Variants in THRB observed in about 807,000 individuals in gnomAD.
THRB encodes the protein nuclear receptor subfamily 1 group A member 2.
Under a neutral mutation model 47.8 loss-of-function variants are expected in THRB, and 12 were observed. The ratio of observed to expected loss-of-function variants is 0.25; its 90% CI spans 0.16 to 0.41. The LOEUF (loss-of-function observed/expected upper bound fraction) is 0.41. Among genes scored for constraint, THRB ranks in the 10% least tolerant of loss-of-function variants. The pLI is 1.00. For missense variants in THRB, 348 were observed against 589.2 expected, an observed-to-expected ratio of 0.59 and a Z score of 4.24; for synonymous variants, 218 against 212.2, an observed-to-expected ratio of 1.03 and a Z score of -0.24.
rs200544001 is a variant in THRB at position 24,229,018 on chromosome 3, CA to C, written c.-42-18del. 13 of 1,320,040 alleles carry C rather than the reference CA, an allele frequency of 9.8e-6. No individual in the cohort carries two copies. The highest frequency in any genetic ancestry group is 3.4e-5 in the Admixed American group (2 of 58,054). 81.8% of individuals were successfully genotyped at this position (1,320,040 alleles called of 1,614,324 possible). On this transcript the variant is annotated intron_variant, in intron 3 of 10. Coordinates refer to ENST00000646209, the MANE Select transcript of THRB (RefSeq NM_001354712.2). ...TGACATCTCCTACAAGGAAAAAATA[CA>C]AAAAAAATCACAGATTATAATCTGC...
intron 3 of THRB, among the ~76,000 whole-genome samples, chr3:24,252,102 C>CT (rs2050725590): frequency 6.6e-6 from 1 of 152,120 alleles, no homozygotes; most frequent in Non-Finnish European, 1.5e-5. Flanking sequence ...ATAATAGTCA[C>CT]TGCTTGTTCT....
intron 3 of THRB, among the ~76,000 whole-genome samples, chr3:24,264,860 T>A (rs2052481489): frequency 6.6e-6 from 1 of 151,390 alleles, no homozygotes; most frequent in African/African-American, 2.4e-5. Flanking sequence ...AAGAGGGCAG[T>A]CCTCCTTACA....
At chr3:24,483,134 C>T (rs73823332) in intron 1 of THRB, among the ~76,000 whole-genome samples, 2,589 of 152,018 alleles carry the variant, frequency 0.017, 73 homozygotes, top group African/African-American at 0.054. Flanking sequence ...AAAAGATTTT[C>T]TTTGTTCTTT....
At chr3:24,126,570 AAAG>A (rs2032864162) in intron 10 of THRB, among the ~76,000 whole-genome samples, 2 of 152,326 alleles carry the variant, frequency 1.3e-5, no homozygotes, top group East Asian at 3.9e-4. Flanking sequence ...TCCTCAAAAA[AAAG>A]AAGTCCACAG....
At chr3:24,186,566 A>C (rs949103430) in intron 5 of THRB, among the ~76,000 whole-genome samples, 1 of 152,204 alleles carries the variant, frequency 6.6e-6, no homozygotes, top group African/African-American at 2.4e-5. Context: ...GCTCTTCCAT[A>C]GCTCTCATTC....
At chr3:24,446,710 TCAG>T (rs1046519326) in intron 1 of THRB, among the ~76,000 whole-genome samples, 2 of 152,188 alleles carry the variant, frequency 1.3e-5, no homozygotes, top group African/African-American at 4.8e-5. Context: ...TCAACAATAT[TCAG>T]CAAATCTTTG....
chr3:24,199,892 A>G (rs1163069900), intron 4 of THRB, among the ~76,000 whole-genome samples: 1 of 152,226 alleles, frequency 6.6e-6, no homozygotes, highest in Admixed American at 6.5e-5. Context: ...ACAATTATTT[A>G]ACCACATAGG....
intron 1 of THRB, among the ~76,000 whole-genome samples, chr3:24,464,801 T>C (rs1030361615): frequency 6.6e-6 from 1 of 152,298 alleles, no homozygotes; most frequent in African/African-American, 2.4e-5. Context: ...TCTAAATTTG[T>C]AAACCAACCA....
At chr3:24,217,011 C>T (rs1438957248) in intron 4 of THRB, among the ~76,000 whole-genome samples, 3 of 151,148 alleles carry the variant, frequency 2.0e-5, no homozygotes, top group Non-Finnish European at 4.4e-5. Flanking sequence ...ATTTATGGTT[C>T]CATAGTCCTT....
intron 3 of THRB, among the ~76,000 whole-genome samples, chr3:24,247,538 T>C (rs529602597): frequency 4.2e-4 from 64 of 152,354 alleles, no homozygotes; most frequent in African/African-American, 1.5e-3. Flanking sequence ...AAATCCTTTA[T>C]GCTCTAAATC....
At chr3:24,447,899 C>G (rs1435258223) in intron 1 of THRB, among the ~76,000 whole-genome samples, 1 of 151,958 alleles carries the variant, frequency 6.6e-6, no homozygotes, top group Non-Finnish European at 1.5e-5. Flanking sequence ...TGCTGACCAC[C>G]AAGATTGCTA....
chr3:24,224,423 T>A (rs1180352690), intron 4 of THRB, among the ~76,000 whole-genome samples: 71 of 152,334 alleles, frequency 4.7e-4, no homozygotes, highest in African/African-American at 1.4e-3. Context: ...TAACATTAGT[T>A]ATTTTTGAAT....
At chr3:24,445,914 T>A (rs539163187) in intron 1 of THRB, among the ~76,000 whole-genome samples, 1 of 152,308 alleles carries the variant, frequency 6.6e-6, no homozygotes, top group African/African-American at 2.4e-5. Context: ...TTGAAAAATA[T>A]TTAATGTCAT....
At chr3:24,493,131 T>A (rs1698430369) in intron 1 of THRB, among the ~76,000 whole-genome samples, 1 of 152,242 alleles carries the variant, frequency 6.6e-6, no homozygotes. Flanking sequence ...CTTAGCCACC[T>A]GGCATGAAAA....
At chr3:24,470,957 A>G (rs948602391) in intron 1 of THRB, among the ~76,000 whole-genome samples, 1 of 152,204 alleles carries the variant, frequency 6.6e-6, no homozygotes, top group African/African-American at 2.4e-5. Flanking sequence ...CAATCTATCA[A>G]GTGTTTGAAG....
chr3:24,269,387 ACG>A (rs140133862), intron 3 of THRB, among the ~76,000 whole-genome samples: 1,189 of 98,270 alleles, frequency 0.012, 24 homozygotes, highest in African/African-American at 0.029. Context: ...CATAGCTCAC[ACG>A]CGCGCGCGCG....
chr3:24,124,438 A>C (rs1037630215), intron 10 of THRB, among the ~76,000 whole-genome samples: 2 of 152,166 alleles, frequency 1.3e-5, no homozygotes, highest in Admixed American at 6.5e-5. Context: ...GAAGATCAAC[A>C]TATTATTGCT....
chr3:24,133,018 G>T (rs1263593678), intron 9 of THRB, among the ~76,000 whole-genome samples: 1 of 152,166 alleles, frequency 6.6e-6, no homozygotes, highest in African/African-American at 2.4e-5. Flanking sequence ...GTGGTAACTA[G>T]GACAGCATAG....
chr3:24,237,551 C>G (rs1219917481), intron 3 of THRB, among the ~76,000 whole-genome samples: 1 of 152,142 alleles, frequency 6.6e-6, no homozygotes, highest in Admixed American at 6.5e-5. Context: ...CTTCCTCTTC[C>G]CCTCTCCTTT....
Sources: allele counts gnomAD v4.1 joint callset (sites outside exome capture counted in the v4.1 genomes callset), GRCh38; gene constraint gnomAD v4.1.1; transcripts MANE v1.5; gene names NCBI Gene and HGNC (gene_info 2026-07-23, HGNC 2026-07-21).